NPIPB2: variants seen among roughly 807,000 people sequenced by gnomAD.
The protein encoded by NPIPB2 is nuclear pore complex-interacting protein family member B2.
In NPIPB2, 27 loss-of-function variants were observed where a neutral mutation model predicts 30.8. The observed-to-expected ratio is 0.88, with a 90% CI of 0.65 to 1.21. NPIPB2 has a LOEUF of 1.21. Among genes scored for constraint, NPIPB2 ranks in the 50% most tolerant of loss-of-function variants. NPIPB2 has a pLI of 0.00. For missense variants in NPIPB2, 440 were observed against 446.2 expected, an observed-to-expected ratio of 0.99 and a Z score of 0.13; for synonymous variants, 147 against 162.0, an observed-to-expected ratio of 0.91 and a Z score of 0.70.
upstream of NPIPB2, among the ~76,000 whole-genome samples, chr16:11,944,989 A>C (rs908653203): frequency 1.3e-5 from 2 of 150,352 alleles, no homozygotes; most frequent in Non-Finnish European, 3.0e-5. Context: ...GGCCAGCCTG[A>C]CCAACATGGA....
At chr16:11,941,113 C>T (rs1162701702) in intron 1 of NPIPB2, 17 of 1,425,548 alleles carry the variant, frequency 1.2e-5, no homozygotes, top group South Asian at 9.7e-5. Context: ...AATTTCATGC[C>T]GCGTGACACA....
At chr16:11,935,727 A>G (rs1430515923) in intron 2 of NPIPB2, among the ~76,000 whole-genome samples, 4 of 147,516 alleles carry the variant, frequency 2.7e-5, no homozygotes, top group Non-Finnish European at 4.5e-5. Context: ...TAATCTAAAA[A>G]GATGAAAAGA....
At chr16:11,969,538 A>G (rs2055222244) in intron 1 of NPIPB2, among the ~76,000 whole-genome samples, 1 of 152,162 alleles carries the variant, frequency 6.6e-6, no homozygotes, top group Non-Finnish European at 1.5e-5. Flanking sequence ...TACAGGCGTG[A>G]GCCACTGTGC....
intron 1 of NPIPB2, chr16:11,941,420 G>A: frequency 8.3e-6 from 4 of 481,362 alleles, no homozygotes; most frequent in Non-Finnish European, 1.5e-5. Context: ...GGAGAAGGGG[G>A]CTGTTGGGCA....
At chr16:11,951,907 C>G (rs953068511) in intron 1 of NPIPB2, among the ~76,000 whole-genome samples, 1 of 152,078 alleles carries the variant, frequency 6.6e-6, no homozygotes, top group African/African-American at 2.4e-5. Flanking sequence ...CGCCTGTAAT[C>G]CCAGCACTTT....
At chr16:11,946,731 G>T (rs34237205), upstream of NPIPB2, among the ~76,000 whole-genome samples, 16 of 152,090 alleles carry the variant, frequency 1.1e-4, no homozygotes, top group Non-Finnish European at 1.6e-4. Flanking sequence ...AAAGCAGTTG[G>T]AAAGTTTAAT....
chr16:11,963,299 GA>G (rs2055167591), intron 1 of NPIPB2, among the ~76,000 whole-genome samples: 1 of 151,194 alleles, frequency 6.6e-6, no homozygotes, highest in Non-Finnish European at 1.5e-5. Flanking sequence ...AGAATCGCTT[GA>G]ACCTGGGAGG....
rs750894740 is a variant in NPIPB2, at chr16:11,937,540, C to A, written c.192G>T (p.Trp64Cys). 903 of 1,583,070 alleles carry A rather than the reference C, an allele frequency of 5.7e-4. 6 individuals carry two copies. Among genetic ancestry groups the A allele is most frequent in the Non-Finnish European group, 4.7e-4 (553 of 1,165,446 alleles). ...CTCTACAGAAAGTTAGTACACTCAC[C>A]CAAAGGTAAACTGTCCAGAGGGTAA... Residue 64 changes from tryptophan (W) to cysteine (C), a missense_variant and splice_region_variant, in exon 2 of 8, where the codon TGG becomes TGT. Around this residue, in one of 3 missense-constraint regions of NPIPB2, gnomAD observed 252 missense variants for 233.0 expected, o/e 1.08. Transcript: ENST00000399147.
chr16:11,950,001 C>T (rs1238923626), intron 1 of NPIPB2, among the ~76,000 whole-genome samples: 2 of 152,164 alleles, frequency 1.3e-5, no homozygotes, highest in African/African-American at 4.8e-5. Context: ...TCTGCAACCA[C>T]ATAAGCCTTG....
At chr16:11,974,216 T>C (rs1461666196) in intron 1 of NPIPB2, among the ~76,000 whole-genome samples, 1 of 152,150 alleles carries the variant, frequency 6.6e-6, no homozygotes, top group Non-Finnish European at 1.5e-5. Context: ...CACTTTTTCA[T>C]TATTACAGAG....
intron 1 of NPIPB2, among the ~76,000 whole-genome samples, chr16:11,958,899 G>C (rs931069596): frequency 6.6e-6 from 1 of 152,212 alleles, no homozygotes; most frequent in Non-Finnish European, 1.5e-5. Context: ...GATCTCGGGA[G>C]GTGAAGATCT....
intron 1 of NPIPB2, among the ~76,000 whole-genome samples, chr16:11,971,343 T>C (rs2055234381): frequency 6.7e-6 from 1 of 150,154 alleles, no homozygotes; most frequent in African/African-American, 2.5e-5. Context: ...AACTTTGTTT[T>C]ATACATTTTA....
At chr16:11,957,807 C>T (rs1215873179) in intron 1 of NPIPB2, among the ~76,000 whole-genome samples, 3 of 152,150 alleles carry the variant, frequency 2.0e-5, no homozygotes, top group Non-Finnish European at 2.9e-5. Flanking sequence ...TCCACTCTTA[C>T]GTGGATTTTC....
upstream of NPIPB2, chr16:11,976,639 G>A: frequency 2.5e-6 from 1 of 401,202 alleles, no homozygotes; most frequent in Non-Finnish European, 4.2e-6. Context: ...TCTGCGCCGC[G>A]GTTTACGTTC....
exon 1 of NPIPB2, chr16:11,976,607 A>C (rs536612197): frequency 1.9e-5 from 7 of 368,118 alleles, no homozygotes; most frequent in Non-Finnish European, 2.9e-5. Flanking sequence ...ACCGCTCTCC[A>C]CACCGGGTCC....
At chr16:11,964,589 AT>A (rs1183906266) in intron 1 of NPIPB2, among the ~76,000 whole-genome samples, 2 of 151,932 alleles carry the variant, frequency 1.3e-5, no homozygotes, top group Non-Finnish European at 1.5e-5. Flanking sequence ...TAATTTTTGT[AT>A]TTTTAGTAGA....
At chr16:11,968,046 G>T (rs913844880) in intron 1 of NPIPB2, 7 of 546,352 alleles carry the variant, frequency 1.3e-5, no homozygotes, top group East Asian at 3.7e-5. Flanking sequence ...TTGGTTTCAT[G>T]ATTAAACTCT....
intron 1 of NPIPB2, chr16:11,967,446 C>T (rs2055203741): frequency 6.1e-6 from 6 of 986,492 alleles, no homozygotes; most frequent in African/African-American, 3.2e-5. Context: ...ACAGTAAGAC[C>T]CCACCTCTAA....
At chr16:11,966,575 T>C (rs1408264240) in intron 1 of NPIPB2, among the ~76,000 whole-genome samples, 1 of 152,214 alleles carries the variant, frequency 6.6e-6, no homozygotes, top group Non-Finnish European at 1.5e-5. Flanking sequence ...CCACTGTTAA[T>C]TACTCTATTG....
Sources: gnomAD v4.1 joint callset for allele counts (sites outside exome capture counted in the v4.1 genomes callset) on GRCh38, gnomAD v4.1.1 for gene constraint, gnomAD v4.1.1 regional missense constraint, MANE v1.5 for transcripts, NCBI Gene and HGNC (gene_info 2026-07-23, HGNC 2026-07-21) for gene names.